Variants in TGFBR3 observed in about 807,000 individuals in gnomAD.
TGFBR3 encodes transforming growth factor beta receptor type 3.
A neutral mutation model predicts 87.9 loss-of-function variants in TGFBR3; 46 were observed. That is an observed-to-expected ratio of 0.52 (90% CI 0.41 to 0.67). The LOEUF is 0.67. TGFBR3 is among the 30% of genes least tolerant of loss of function. The pLI is 0.00. For synonymous variants in TGFBR3, 381 were observed against 391.6 expected (o/e 0.97, Z 0.32); for missense variants, 866 against 1,041.9 (o/e 0.83, Z 2.32).
intron 2 of TGFBR3, among the ~76,000 whole-genome samples, chr1:91,898,489 T>G (rs1204784280): frequency 6.6e-6 from 1 of 152,168 alleles, no homozygotes; most frequent in Non-Finnish European, 1.5e-5. Context: ...GAGGCTGGAG[T>G]GCAGTGGCGC....
intron 10 of TGFBR3, 69 bp from the exon 11 acceptor site, chr1:91,716,777 C>T: frequency 6.4e-7 from 1 of 1,562,328 alleles, no homozygotes; most frequent in South Asian, 1.1e-5. Context: ...TTCTGCCTCA[C>T]ACAAACACTC....
chr1:91,761,678 A>T (rs1044726197), intron 3 of TGFBR3, among the ~76,000 whole-genome samples: 3 of 152,122 alleles, frequency 2.0e-5, no homozygotes, highest in Admixed American at 6.5e-5. Flanking sequence ...CATGGTATAA[A>T]AGCTTCCAGA....
chr1:91,812,974 G>GC (rs1676080754), intron 2 of TGFBR3, among the ~76,000 whole-genome samples: 1 of 152,032 alleles, frequency 6.6e-6, no homozygotes, highest in Non-Finnish European at 1.5e-5. Flanking sequence ...CTGGCTGCAG[G>GC]CCTGTGTCTC....
chr1:91,720,043 G>A lies in TGFBR3; in HGVS notation c.1263C>T (p.Leu421=). ...RVWNEEGEDG[L]PRPKDPVIPS... is the part of the protein sequence containing the mutation. ...GAATGACAGGGTCCTTTGGCCGAGG[G>A]AGCCCATCTTCTCCCTCTTCATTCC... Residue 421 remains leucine (L), a synonymous_variant, in exon 9 of 17, where the codon CTC becomes CTT. Transcript: ENST00000212355. 1 of 1,614,126 alleles carries A rather than the reference G, an allele frequency of 6.2e-7. No individual in the cohort carries two copies. Among genetic ancestry groups the A allele is most frequent in the Non-Finnish European group, 8.5e-7 (1 of 1,180,016 alleles).
intron 1 of TGFBR3, among the ~76,000 whole-genome samples, chr1:91,880,213 T>C (rs1409982581): frequency 5.3e-5 from 8 of 152,198 alleles, no homozygotes; most frequent in Non-Finnish European, 1.2e-4. Flanking sequence ...AAGACTGCTT[T>C]TACATTAAAG....
intron 15 of TGFBR3, 100 bp downstream of exon 15, chr1:91,697,989 C>T (rs1417475658): frequency 9.1e-7 from 1 of 1,099,704 alleles, no homozygotes; most frequent in Non-Finnish European, 1.4e-6. Flanking sequence ...GAGCAGAAGT[C>T]TCCTTATCAA....
At chr1:91,687,345 G>GA (rs907539360) in intron 16 of TGFBR3, among the ~76,000 whole-genome samples, 5 of 151,960 alleles carry the variant, frequency 3.3e-5, no homozygotes, top group Admixed American at 3.3e-4. Context: ...GGGGGAAGAA[G>GA]AAAAAAAGAA....
chr1:91,841,347 G>A (rs183323162), intron 2 of TGFBR3, among the ~76,000 whole-genome samples: 2 of 152,334 alleles, frequency 1.3e-5, no homozygotes, highest in East Asian at 3.9e-4. Context: ...ACATGTATCT[G>A]AGGGTAACAA....
At chr1:91,750,358 T>C (rs1673494507) in intron 4 of TGFBR3, among the ~76,000 whole-genome samples, 1 of 152,208 alleles carries the variant, frequency 6.6e-6, no homozygotes, top group East Asian at 1.9e-4. Context: ...CTCTTTCCAA[T>C]GTTCTAATTG....
At chr1:91,802,852 G>C (rs970489320) in intron 2 of TGFBR3, among the ~76,000 whole-genome samples, 1 of 151,918 alleles carries the variant, frequency 6.6e-6, no homozygotes, top group Non-Finnish European at 1.5e-5. Flanking sequence ...ACCAACCTGG[G>C]GGAGGTGCCC....
Position 91,800,605 on chromosome 1 carries a change from T to C in TGFBR3, c.62-3134A>G, listed in dbSNP as rs184496171. 1.5e-3 allele frequency among the ~76,000 whole-genome samples: 232 copies of C among 152,088 alleles called. 1 individual carries two copies. The highest frequency in any genetic ancestry group is 5.2e-3 in the African/African-American group (215 of 41,474). On this transcript the variant is annotated intron_variant, in intron 2 of 16. Transcript: ENST00000212355. ...ACCATCTGACACAATAGAGTAGTAT[T>C]TGGTTTTCGAAGTTCCTCATAGAAT...
intron 1 of TGFBR3, among the ~76,000 whole-genome samples, chr1:91,864,755 G>A (rs759823811): frequency 6.6e-6 from 1 of 152,322 alleles, no homozygotes; most frequent in Admixed American, 6.5e-5. Context: ...GAAGGCTTCC[G>A]AAAAGTTGTA....
intron 1 of TGFBR3, chr1:91,864,309 T>C (rs1161094426): frequency 6.6e-6 from 1 of 152,132 alleles, no homozygotes; most frequent in African/African-American, 2.4e-5. Context: ...ATGGTTCCAT[T>C]AAAAATATAG....
At chr1:91,758,861 C>G in intron 3 of TGFBR3, 111 bp from the exon 4 acceptor site, 1 of 1,297,808 alleles carries the variant, frequency 7.7e-7, no homozygotes, top group Non-Finnish European at 1.1e-6. Flanking sequence ...CAGAAACAAG[C>G]TATAATGTAG....
At chr1:91,776,189 T>C (rs1473488) in intron 3 of TGFBR3, among the ~76,000 whole-genome samples, 77,117 of 152,122 alleles carry the variant, frequency 0.51, 20,266 homozygotes, top group African/African-American at 0.64. Flanking sequence ...TTAAGCAAAG[T>C]AAAGAGCTTG....
intron 2 of TGFBR3, among the ~76,000 whole-genome samples, chr1:91,810,005 G>A (rs553884725): frequency 6.6e-6 from 1 of 152,224 alleles, no homozygotes; most frequent in East Asian, 1.9e-4. Flanking sequence ...CTGGGTCTTA[G>A]AGAGACAGAA....
chr1:91,833,754 T>C (rs1302089681), intron 2 of TGFBR3, among the ~76,000 whole-genome samples: 1 of 149,724 alleles, frequency 6.7e-6, no homozygotes, highest in Non-Finnish European at 1.5e-5. Flanking sequence ...CAGTCCAGCC[T>C]GGGTGACAGA....
In TGFBR3 at chr1:91,794,867, T is replaced by C. The variant is rs1382940665; in HGVS notation, c.246+2420A>G. On this transcript the variant is annotated intron_variant, in intron 3 of 16. Transcript: ENST00000212355. ...TCACAGACAAGTCTTTGTGTGGACA[T>C]GTGTTTTCACTTCTCTCGGGTATAT... Among the ~76,000 whole-genome samples the C allele has an allele frequency of 2.0e-5, 3 of 152,280 alleles. No homozygotes were observed. The East Asian group carries it at 5.8e-4, about 29-fold the overall frequency.
chr1:91,774,183 G>C (rs1674482910), intron 3 of TGFBR3, among the ~76,000 whole-genome samples: 2 of 151,804 alleles, frequency 1.3e-5, no homozygotes, highest in African/African-American at 4.8e-5. Flanking sequence ...TGTCACCCAG[G>C]CTGGAATGCA....
Sources: gnomAD v4.1 joint callset for allele counts (sites outside exome capture counted in the v4.1 genomes callset) on GRCh38, gnomAD v4.1.1 for gene constraint, MANE v1.5 for transcripts, NCBI Gene and HGNC (gene_info 2026-07-23, HGNC 2026-07-21) for gene names.